FBXL3: variants seen among roughly 807,000 people sequenced by gnomAD.
The protein encoded by FBXL3 is F-box/LRR-repeat protein 3.
In FBXL3, 14 loss-of-function variants were observed where a neutral mutation model predicts 37.9. The ratio of observed to expected loss-of-function variants is 0.37; its 90% CI spans 0.24 to 0.58. FBXL3 has a LOEUF of 0.58. Ranked by LOEUF, FBXL3 falls within the 20% of genes least tolerant of loss-of-function variation. The pLI, the probability that FBXL3 is intolerant of heterozygous loss-of-function variation, is 0.74. For missense variants in FBXL3, 327 were observed against 511.1 expected, an observed-to-expected ratio of 0.64 and a Z score of 3.47; for synonymous variants, 194 against 180.1, an observed-to-expected ratio of 1.08 and a Z score of -0.62.
At chr13:77,019,948 A>C (rs1333728391) in intron 2 of FBXL3, among the ~76,000 whole-genome samples, 4 of 152,080 alleles carry the variant, frequency 2.6e-5, no homozygotes, top group Non-Finnish European at 5.9e-5. Flanking sequence ...ATGACCCAGC[A>C]AATCTACTAG....
rs1396940931 is a variant in FBXL3, at chr13:77,015,588, G to GC, written c.472-9dup. Reference sequence around the variant, plus strand: ...TGCAGAGATAAAGTGAGACTGAAAAGCAAAAAAAATAAAATAAAAATTATT... The same window carrying GC: ...TGCAGAGATAAAGTGAGACTGAAAAGCCAAAAAAAATAAAATAAAAATTATT... On this transcript the variant is annotated splice_polypyrimidine_tract_variant and intron_variant, in intron 3 of 4. Coordinates refer to ENST00000355619, the MANE Select transcript of FBXL3 (RefSeq NM_012158.4). 5 of 1,488,888 alleles carry GC rather than the reference G, an allele frequency of 3.4e-6. No individual in the cohort carries two copies. Among genetic ancestry groups the GC allele is most frequent in the Non-Finnish European group, 4.5e-6 (5 of 1,118,978 alleles). 92.2% of individuals were successfully genotyped at this position (1,488,888 alleles called of 1,614,324 possible). A position where few individuals can be genotyped will look rare whatever the true frequency, so the allele number is the denominator to read the frequency against.
At position 77,021,834 on chromosome 13, in the gene FBXL3, G is replaced by T. The variant is rs1384283923; in HGVS notation, c.27C>A (p.Asp9Glu). The T allele has an allele frequency of 6.2e-7, 1 of 1,611,754 alleles. No individual in the cohort carries two copies. The highest frequency in any genetic ancestry group is 2.2e-5 in the East Asian group (1 of 44,872). Residue 9 changes from aspartate to glutamate, a missense_variant, in exon 2 of 5, where the codon GAC becomes GAA. Physicochemically the swap from Asp to Glu is conservative, Grantham distance 45 (BLOSUM62 2). Transcript: ENST00000355619. ...CAGTTCCTTCTTCTGATGAATTACG[G>T]TCACTATCTCTTCCTCCTCGTTTCA... MKRGGRDS[D>E]RNSSEEGTAE...
At chr13:77,013,535 T>C (rs1026710187) in intron 4 of FBXL3, 1 of 152,200 alleles carries the variant, frequency 6.6e-6, no homozygotes, top group Non-Finnish European at 1.5e-5. Flanking sequence ...CCATCCAGAC[T>C]GGTAATCTGG....
chr13:77,019,233 G>GA (rs1447174969), intron 2 of FBXL3: 1 of 152,162 alleles, frequency 6.6e-6, no homozygotes, highest in Non-Finnish European at 1.5e-5. Flanking sequence ...GGAAAGATGT[G>GA]AAGTAAAATG....
chr13:77,011,870 T>C (rs371229094), intron 4 of FBXL3, among the ~76,000 whole-genome samples: 35 of 152,214 alleles, frequency 2.3e-4, no homozygotes, highest in African/African-American at 7.2e-4. Context: ...TGTAAAGTGG[T>C]ACACAGCAGC....
chr13:77,011,236 A>C (rs1398935528), intron 4 of FBXL3, among the ~76,000 whole-genome samples: 1 of 150,952 alleles, frequency 6.6e-6, no homozygotes, highest in Non-Finnish European at 1.5e-5. Context: ...GCTACTCAGG[A>C]GGCTGAGGCA....
At position 77,015,680 on chromosome 13, in the gene FBXL3, A is replaced by G. The variant is rs568663797; in HGVS notation, c.472-100T>C. The G allele has an allele frequency of 2.3e-5, 17 of 754,284 alleles. No individual in the cohort carries two copies. The East Asian group carries it at 5.5e-4, about 24-fold the overall frequency. The allele number at this position is 754,284 out of a possible 1,614,324, so 46.7% of individuals were successfully genotyped here. On this transcript the variant is annotated intron_variant, in intron 3 of 4. Transcript: ENST00000355619. ...CAGTTTATCTGAACCATAATGACAT[A>G]TTAATATTTTGTAAATGTTTTAGGG...
chr13:77,025,062 A>C (rs1326302055), intron 1 of FBXL3, among the ~76,000 whole-genome samples: 1 of 152,232 alleles, frequency 6.6e-6, no homozygotes, highest in East Asian at 1.9e-4. Flanking sequence ...CTATACATAA[A>C]ATTAAACATC....
At chr13:77,013,038 G>C (rs1212838627) in intron 4 of FBXL3, 2 of 152,426 alleles carry the variant, frequency 1.3e-5, no homozygotes, top group Non-Finnish European at 2.9e-5. Context: ...CTCCCAAAGT[G>C]CTGGGATTAA....
At chr13:77,017,505 G>A (rs930917739) in intron 3 of FBXL3, 5 of 152,074 alleles carry the variant, frequency 3.3e-5, no homozygotes, top group Non-Finnish European at 7.4e-5. Flanking sequence ...CTGCTCACAG[G>A]AAGAGAAGAC....
Position 77,015,549 on chromosome 13 carries a change from A to G in FBXL3, c.503T>C (p.Phe168Ser). The change falls in exon 4 of 5, where the codon TTC becomes TCC. Residue 168 changes from phenylalanine to serine, a missense_variant. Coordinates refer to ENST00000355619, the MANE Select transcript of FBXL3 (RefSeq NM_012158.4). Reference protein sequence around the residue: ...SHFISALTVVFVNSKSLSSLK... With the variant: ...SHFISALTVVSVNSKSLSSLK... ...CGAAGACAGGGATTTGGAGTTTACG[A>G]ACACAACTGTCAGTGCAGAGATAAA... The G allele has an allele frequency of 6.3e-7, 1 of 1,598,798 alleles. No individual in the cohort carries two copies. Among genetic ancestry groups the G allele is most frequent in the Non-Finnish European group, 8.5e-7 (1 of 1,173,422 alleles).
In FBXL3 at chr13:77,021,862, C is replaced by A. The variant is rs1448379812; in HGVS notation, c.-1-1G>T. ...ACTATCTCTTCCTCCTCGTTTCATC[C>A]TATTCCGAAAAATGCATCAGTTTTT... On this transcript the variant is annotated splice_acceptor_variant, in intron 1 of 4. Transcript: ENST00000355619. LOFTEE classifies it low-confidence loss of function (5UTR_SPLICE). 1 of 1,585,810 alleles carries A rather than the reference C, an allele frequency of 6.3e-7. No individual in the cohort carries two copies. The highest frequency in any genetic ancestry group is 1.8e-5 in the Admixed American group (1 of 54,338).
rs778984788 is a variant in FBXL3, at chr13:77,005,565, T to C, written c.*1580A>G. ...GGAGGGGATATATTACTATAATTGC[T>C]GTTAATTTTCGAATCTAGATAAGCC... On this transcript the variant is annotated 3_prime_UTR_variant, in exon 5 of 5. Transcript: ENST00000355619. The C allele has an allele frequency of 2.0e-5, 3 of 152,568 alleles. No individual in the cohort carries two copies. Among genetic ancestry groups the C allele is most frequent in the African/African-American group, 4.8e-5 (2 of 41,558 alleles). 9.5% of individuals were successfully genotyped at this position (152,568 alleles called of 1,614,324 possible).
At chr13:77,020,328 T>C (rs2034718735) in intron 2 of FBXL3, among the ~76,000 whole-genome samples, 1 of 152,222 alleles carries the variant, frequency 6.6e-6, no homozygotes, top group Non-Finnish European at 1.5e-5. Context: ...TTGTAAAACC[T>C]GGCAATCAGT....
chr13:77,024,859 TG>T (rs2034809254), intron 1 of FBXL3, among the ~76,000 whole-genome samples: 1 of 152,146 alleles, frequency 6.6e-6, no homozygotes, highest in South Asian at 2.1e-4. Flanking sequence ...ATTAAGCAAT[TG>T]AAAAAAATGT....
At chr13:77,011,836 G>A (rs1447617054) in intron 4 of FBXL3, among the ~76,000 whole-genome samples, 1 of 152,022 alleles carries the variant, frequency 6.6e-6, no homozygotes, top group Non-Finnish European at 1.5e-5. Flanking sequence ...ACAAATAAGT[G>A]TTAGAAGACA....
At position 77,006,227 on chromosome 13, in the gene FBXL3, T is replaced by C. The variant is rs1222979761; in HGVS notation, c.*918A>G. 2 of 152,398 alleles carry C rather than the reference T, an allele frequency of 1.3e-5. No individual in the cohort carries two copies. The highest frequency in any genetic ancestry group is 6.5e-5 in the Admixed American group (1 of 15,280). The allele number at this position is 152,398 out of a possible 1,614,324, so 9.4% of individuals were successfully genotyped here. ...CACTAAAATTTACTGGAAACTAATA[T>C]TCTTTCATGGAAACAACTGATAAAC... On this transcript the variant is annotated 3_prime_UTR_variant, in exon 5 of 5. Coordinates refer to ENST00000355619, the MANE Select transcript of FBXL3 (RefSeq NM_012158.4).
chr13:77,026,466 G>A, intron 1 of FBXL3: 1 of 711,464 alleles, frequency 1.4e-6, no homozygotes, highest in Non-Finnish European at 1.7e-6. Context: ...AGAGCCCACA[G>A]AGTGCGAGCT....
At chr13:77,025,861 T>C (rs2034829092) in intron 1 of FBXL3, among the ~76,000 whole-genome samples, 1 of 152,218 alleles carries the variant, frequency 6.6e-6, no homozygotes, top group Non-Finnish European at 1.5e-5. Context: ...GGCATCACAG[T>C]TCCTTTCTGT....
Sources: allele counts gnomAD v4.1 joint callset (sites outside exome capture counted in the v4.1 genomes callset), GRCh38; gene constraint gnomAD v4.1.1; transcripts MANE v1.5; gene names NCBI Gene and HGNC (gene_info 2026-07-23, HGNC 2026-07-21).